Variants in CFAP47 observed in about 807,000 individuals in gnomAD.
CFAP47 encodes the protein cilia- and flagella-associated protein 47.
CFAP47 carries 29 observed loss-of-function variants against 148.1 expected under a neutral mutation model. The observed-to-expected ratio is 0.20, with a 90% CI of 0.15 to 0.27. CFAP47 has a LOEUF of 0.27. Ranked by LOEUF, CFAP47 falls within the 10% of genes least tolerant of loss-of-function variation. The probability of loss-of-function intolerance (pLI) is 1.00; values close to 1 mark genes in which losing one functional copy is unlikely to be tolerated. For missense variants in CFAP47, 1,872 were observed against 1,697.5 expected (o/e 1.10, Z -1.81); for synonymous variants, 664 against 577.3 (o/e 1.15, Z -2.15).
intron 15 of CFAP47, among the ~76,000 whole-genome samples, chrX:35,978,773 T>C (rs1440781955): frequency 1.8e-5 from 2 of 112,006 alleles, no homozygotes; most frequent in East Asian, 5.6e-4. Flanking sequence ...TTTACCAAGC[T>C]ATTTTTCTTG....
At chrX:36,330,404 T>C (rs1941555089) in intron 57 of CFAP47, among the ~76,000 whole-genome samples, 1 of 112,198 alleles carries the variant, frequency 8.9e-6, no homozygotes, top group Non-Finnish European at 1.9e-5. Context: ...AGAACATGTT[T>C]TTCTCATTGT....
Position 36,109,370 on chromosome X carries a change from A to G in CFAP47, c.5320+4679A>G, listed in dbSNP as rs905210746. Reference sequence around the variant, plus strand: ...TTTTAGGTCTTTGGGGAATCACCACACTGTCTTCCACAATGGTTGAACTAA... The same window carrying G: ...TTTTAGGTCTTTGGGGAATCACCACGCTGTCTTCCACAATGGTTGAACTAA... On this transcript the variant is annotated intron_variant, in intron 33 of 63. Coordinates refer to ENST00000378653, the MANE Select transcript of CFAP47 (RefSeq NM_001304548.2). Among the ~76,000 whole-genome samples, 3 of 111,889 alleles carry G rather than the reference A, an allele frequency of 2.7e-5. No individual in the cohort carries two copies. In the Admixed American group the frequency reaches 2.8e-4, roughly 11 times the overall value.
At chrX:36,042,085 A>C (rs1220526330) in intron 25 of CFAP47, among the ~76,000 whole-genome samples, 3 of 111,579 alleles carry the variant, frequency 2.7e-5, no homozygotes, top group Non-Finnish European at 5.6e-5. Context: ...CTGAGAATAA[A>C]GGTATGTGAT....
At chrX:36,361,285 C>T (rs1382274188) in intron 60 of CFAP47, 45 bp from the exon 61 acceptor site, 2 of 718,221 alleles carry the variant, frequency 2.8e-6, no homozygotes, top group East Asian at 7.3e-5. Flanking sequence ...TAAATCTATG[C>T]ATATTTAATT....
intron 37 of CFAP47, among the ~76,000 whole-genome samples, chrX:36,155,680 T>C (rs190369770): frequency 9.0e-6 from 1 of 111,578 alleles, no homozygotes; most frequent in East Asian, 2.8e-4. Flanking sequence ...GGCTCTATGA[T>C]CCAGCCTCAG....
chrX:35,957,372 T>A (rs1016841039), intron 8 of CFAP47, among the ~76,000 whole-genome samples: 1 of 111,491 alleles, frequency 9.0e-6, no homozygotes, highest in Admixed American at 9.5e-5. Context: ...TCTTATGTTA[T>A]CATATTTCTT....
chrX:35,959,167 A>G (rs1463155025), intron 8 of CFAP47, among the ~76,000 whole-genome samples: 2 of 112,293 alleles, frequency 1.8e-5, no homozygotes, highest in African/African-American at 6.5e-5. Context: ...GATTTTTGGT[A>G]ATTTTTTATT....
At chrX:36,256,010 G>A (rs1182140779) in intron 49 of CFAP47, among the ~76,000 whole-genome samples, 1 of 111,814 alleles carries the variant, frequency 8.9e-6, no homozygotes, top group Non-Finnish European at 1.9e-5. Context: ...ATGTGTTAAT[G>A]ACTGAAAGCA....
At chrX:36,041,709 G>A (rs752450638) in intron 25 of CFAP47, among the ~76,000 whole-genome samples, 1 of 110,362 alleles carries the variant, frequency 9.1e-6, no homozygotes, top group Non-Finnish European at 1.9e-5. Flanking sequence ...GGATCACGAG[G>A]TCACAAGATC....
chrX:36,138,588 C>A, intron 35 of CFAP47, 124 bp downstream of exon 35: 5 of 735,350 alleles, frequency 6.8e-6, no homozygotes, highest in Admixed American at 5.1e-5. Context: ...TTTGATGAGA[C>A]ATTGCTAAAA....
chrX:36,036,221 C>A (rs1412307469), intron 24 of CFAP47, among the ~76,000 whole-genome samples: 1 of 111,229 alleles, frequency 9.0e-6, no homozygotes, highest in Non-Finnish European at 1.9e-5. Flanking sequence ...CCCCCACTCC[C>A]AAGCCCCTAG....
At chrX:36,264,224 G>A (rs1338252471) in intron 49 of CFAP47, among the ~76,000 whole-genome samples, 6 of 111,596 alleles carry the variant, frequency 5.4e-5, no homozygotes, top group Admixed American at 1.9e-4. Flanking sequence ...TTGCAGCCTG[G>A]GGTTAGGACT....
intron 56 of CFAP47, among the ~76,000 whole-genome samples, chrX:36,318,016 T>C (rs1602106357): frequency 9.0e-6 from 1 of 111,679 alleles, no homozygotes; most frequent in South Asian, 3.7e-4. Flanking sequence ...TAAAAATTCA[T>C]ATTCCCAGGT....
intron 47 of CFAP47, 49 bp downstream of exon 47, chrX:36,236,126 G>T (rs782696927): frequency 7.6e-6 from 3 of 396,356 alleles, no homozygotes; most frequent in Non-Finnish European, 8.9e-6. Flanking sequence ...AGTATCATTA[G>T]TTAATAAACT....
intron 48 of CFAP47, among the ~76,000 whole-genome samples, chrX:36,241,108 C>T (rs1940538394): frequency 9.0e-6 from 1 of 111,296 alleles, no homozygotes; most frequent in Non-Finnish European, 1.9e-5. Flanking sequence ...TGGCCCCAAA[C>T]AACTTCTGGG....
At chrX:36,232,827 T>C (rs1238347622) in intron 46 of CFAP47, among the ~76,000 whole-genome samples, 1 of 112,029 alleles carries the variant, frequency 8.9e-6, no homozygotes, top group Non-Finnish European at 1.9e-5. Flanking sequence ...TTTGTTCTTA[T>C]TGGTTTCAAA....
At chrX:35,943,293 T>A (rs1271446786) in intron 3 of CFAP47, among the ~76,000 whole-genome samples, 1 of 111,895 alleles carries the variant, frequency 8.9e-6, no homozygotes, top group East Asian at 2.8e-4. Context: ...GAGTCAAAGT[T>A]CAAATGCTTA....
At chrX:36,193,662 C>T (rs1939888990) in intron 42 of CFAP47, among the ~76,000 whole-genome samples, 1 of 110,979 alleles carries the variant, frequency 9.0e-6, no homozygotes, top group Admixed American at 9.6e-5. Context: ...CAGGTTATGT[C>T]AACCTTGAAG....
chrX:36,129,388 T>C lies in CFAP47; in HGVS notation c.5321-8570T>C, dbSNP rs887740249. Among the ~76,000 whole-genome samples, 6 of 111,034 alleles carry C rather than the reference T, an allele frequency of 5.4e-5. No individual in the cohort carries two copies. In the Admixed American group the frequency reaches 5.8e-4, roughly 11 times the overall value. On this transcript the variant is annotated intron_variant, in intron 33 of 63. Coordinates refer to ENST00000378653, the MANE Select transcript of CFAP47 (RefSeq NM_001304548.2). ...TTGATACTGAAAATATTTTACTTAA[T>C]TTCCAGTTTATTGTTCACTTATGTA...
Sources: gnomAD v4.1 joint callset for allele counts (sites outside exome capture counted in the v4.1 genomes callset) on GRCh38, gnomAD v4.1.1 for gene constraint, MANE v1.5 for transcripts, NCBI Gene and HGNC (gene_info 2026-07-23, HGNC 2026-07-21) for gene names.